Variants in TGS1 observed in about 807,000 individuals in gnomAD.
TGS1 encodes the protein trimethylguanosine synthase.
A neutral mutation model predicts 92.2 loss-of-function variants in TGS1; 69 were observed. The observed-to-expected ratio is 0.75, with a 90% CI of 0.62 to 0.91. The LOEUF is 0.91. Among genes scored for constraint, TGS1 ranks in the 40% least tolerant of loss-of-function variants. The pLI is 0.00. For synonymous variants in TGS1, 345 were observed against 338.1 expected (o/e 1.02, Z -0.22); for missense variants, 1,062 against 1,001.2 (o/e 1.06, Z -0.82).
intron 6 of TGS1, among the ~76,000 whole-genome samples, chr8:55,793,385 A>T (rs1394811108): frequency 6.6e-6 from 1 of 152,136 alleles, no homozygotes; most frequent in East Asian, 1.9e-4. Flanking sequence ...CCAGCTCCTC[A>T]GGAGGCTGAG....
Position 55,814,601 on chromosome 8 carries a change from A to G in TGS1, c.2439+1483A>G, listed in dbSNP as rs568756353. Among the ~76,000 whole-genome samples the G allele has an allele frequency of 2.0e-3, 307 of 150,120 alleles. 2 individuals are homozygous for G. The highest frequency in any genetic ancestry group is 6.9e-3 in the African/African-American group (281 of 40,894). ...CACTTTGGGAGGCCAAGGCAGGCAG[A>G]TCGCTTGAGGCCAGGAGTTGACCAG... is the stretch of plus-strand genomic sequence containing the variant. On this transcript the variant is annotated intron_variant, in intron 12 of 12. Coordinates refer to ENST00000260129, the MANE Select transcript of TGS1 (RefSeq NM_024831.8).
intron 10 of TGS1, among the ~76,000 whole-genome samples, chr8:55,808,046 G>C (rs1336848697): frequency 6.6e-6 from 1 of 152,210 alleles, no homozygotes; most frequent in African/African-American, 2.4e-5. Flanking sequence ...TCTAGTCAGA[G>C]AAACTGACTT....
chr8:55,816,475 TG>T (rs1156388570), intron 12 of TGS1, among the ~76,000 whole-genome samples: 1 of 152,206 alleles, frequency 6.6e-6, no homozygotes, highest in Non-Finnish European at 1.5e-5. Flanking sequence ...TTCTCATCCT[TG>T]TTTAATTTTA....
intron 2 of TGS1, among the ~76,000 whole-genome samples, chr8:55,784,736 G>A (rs979018230): frequency 2.0e-5 from 3 of 152,172 alleles, no homozygotes; most frequent in Admixed American, 1.3e-4. Flanking sequence ...CTTCTCACCC[G>A]CTCTTGTTAA....
At position 55,824,980 on chromosome 8, in the gene TGS1, GC is replaced by G; in HGVS notation, c.*279del. ...TTTACCGCCCAGGCTGGAGTGCAGT[GC>G]CATGATCACAGCTCACTGCAGGTTC... On this transcript the variant is annotated 3_prime_UTR_variant, in exon 13 of 13. Transcript: ENST00000260129. 1 of 292,290 alleles carries G rather than the reference GC, an allele frequency of 3.4e-6. No homozygotes were observed. 18.1% of individuals were successfully genotyped at this position (292,290 alleles called of 1,614,324 possible).
rs995705139 is a variant in TGS1 at position 55,773,461 on chromosome 8, G to T, written c.-158G>T. On this transcript the variant is annotated 5_prime_UTR_variant, in exon 1 of 13. Transcript: ENST00000260129. ...CCTCGGAGCCACTTCCGGCGGCAGC[G>T]TCCGGGCTAGTTCCCGGCGCGAGCG... is the stretch of plus-strand genomic sequence containing the variant. 131 of 527,882 alleles carry T rather than the reference G, an allele frequency of 2.5e-4. 1 individual carries two copies. The highest frequency in any genetic ancestry group is 4.1e-4 in the Non-Finnish European group (127 of 307,018). The allele number at this position is 527,882 out of a possible 1,614,324, so 32.7% of individuals were successfully genotyped here.
chr8:55,802,745 T>C (rs997092593), intron 9 of TGS1, 139 bp downstream of exon 9: 3 of 722,496 alleles, frequency 4.2e-6, no homozygotes, highest in Admixed American at 3.1e-5. Flanking sequence ...CCGTTTACGT[T>C]CTCATTCTCT....
chr8:55,815,304 G>A (rs562393531), intron 12 of TGS1, among the ~76,000 whole-genome samples: 1 of 152,288 alleles, frequency 6.6e-6, no homozygotes, highest in East Asian at 1.9e-4. Context: ...AAGAAAGACT[G>A]ATGAGATTTC....
intron 2 of TGS1, among the ~76,000 whole-genome samples, chr8:55,784,893 A>G (rs1288132787): frequency 6.6e-6 from 1 of 152,138 alleles, no homozygotes; most frequent in Admixed American, 6.5e-5. Context: ...CATCCTCAGT[A>G]TTTTGCACAG....
chr8:55,784,114 C>T (rs1811645468), intron 2 of TGS1, among the ~76,000 whole-genome samples: 1 of 152,094 alleles, frequency 6.6e-6, no homozygotes, highest in African/African-American at 2.4e-5. Context: ...TTGCCTGAGA[C>T]CATCAAGCTG....
At chr8:55,816,144 C>T (rs1803471214) in intron 12 of TGS1, among the ~76,000 whole-genome samples, 1 of 152,090 alleles carries the variant, frequency 6.6e-6, no homozygotes, top group Admixed American at 6.6e-5. Flanking sequence ...TGCTTGATGC[C>T]TGTATCTTGC....
At chr8:55,823,186 G>T (rs1803696810) in intron 12 of TGS1, among the ~76,000 whole-genome samples, 1 of 152,150 alleles carries the variant, frequency 6.6e-6, no homozygotes, top group African/African-American at 2.4e-5. Flanking sequence ...CTATTTAAAA[G>T]ATTTCTGAGA....
intron 2 of TGS1, among the ~76,000 whole-genome samples, chr8:55,785,241 A>G (rs1811675100): frequency 1.4e-5 from 2 of 145,778 alleles, no homozygotes. Flanking sequence ...TTTTTGGTAG[A>G]GACGGGTTTT....
chr8:55,786,551 A>T lies in TGS1; in HGVS notation c.653A>T (p.His218Leu), dbSNP rs1422723876. 1.2e-6 allele frequency: 2 copies of T among 1,614,098 alleles called. No homozygotes were observed. Among genetic ancestry groups the T allele is most frequent in the East Asian group, 4.5e-5 (2 of 44,888 alleles). Residue 218 changes from histidine to leucine, a missense_variant, in exon 4 of 13, where the codon CAT becomes CTT. His to Leu is a moderately conservative substitution (Grantham distance 99). Transcript: ENST00000260129. ...TTGTGGCAAAGTTGGCAAGAAAAAC[A>T]TCCGGGTCAAGCACTATCTTCTGAA... ...GLLWQSWQEK[H>L]PGQALSSEPW... is the part of the protein sequence containing the mutation.
intron 10 of TGS1, among the ~76,000 whole-genome samples, chr8:55,806,579 G>A (rs1812379801): frequency 6.6e-6 from 1 of 152,092 alleles, no homozygotes; most frequent in Admixed American, 6.6e-5. Flanking sequence ...GCTATTAAAA[G>A]TTAAGTTTGG....
At position 55,786,219 on chromosome 8, in the gene TGS1, A is replaced by G. The variant is rs1344292639; in HGVS notation, c.340-19A>G. On this transcript the variant is annotated intron_variant, in intron 3 of 12. Transcript: ENST00000260129. The stretch of plus-strand genomic sequence containing the variant: ...GTTCATAAAGTGCATTTTATATTCA[A>G]GTTATTTATCTGATATAGGTATCTA... 6.7e-6 allele frequency: 8 copies of G among 1,188,624 alleles called. No homozygotes were observed. The South Asian group carries it at 9.6e-5, about 14-fold the overall frequency. The allele number at this position is 1,188,624 out of a possible 1,614,324, so 73.6% of individuals were successfully genotyped here.
At chr8:55,815,869 A>C (rs576030765) in intron 12 of TGS1, among the ~76,000 whole-genome samples, 3 of 152,202 alleles carry the variant, frequency 2.0e-5, no homozygotes, top group Admixed American at 1.3e-4. Context: ...CTTTGGAGGT[A>C]AGGTATATAC....
chr8:55,812,348 C>T (rs1246896721), intron 11 of TGS1, among the ~76,000 whole-genome samples: 1 of 151,804 alleles, frequency 6.6e-6, no homozygotes, highest in Non-Finnish European at 1.5e-5. Context: ...GCCAACATGG[C>T]TGAACCCCAT....
At chr8:55,790,135 T>C (rs1057213611) in intron 4 of TGS1, 47 bp from the exon 5 acceptor site, 1 of 1,431,286 alleles carries the variant, frequency 7.0e-7, no homozygotes, top group Non-Finnish European at 9.8e-7. Context: ...GCAGAAAAGT[T>C]GTCAAACCAA....
Sources: allele counts gnomAD v4.1 joint callset (sites outside exome capture counted in the v4.1 genomes callset), GRCh38; gene constraint gnomAD v4.1.1; transcripts MANE v1.5; gene names NCBI Gene and HGNC (gene_info 2026-07-23, HGNC 2026-07-21).